Variants in SLC44A1 observed in about 807,000 individuals in gnomAD.
SLC44A1 encodes the protein choline transporter-like protein 1.
In SLC44A1, 26 loss-of-function variants were observed where a neutral mutation model predicts 79.3. The observed-to-expected ratio is 0.33, with a 90% CI of 0.24 to 0.46. The LOEUF is 0.46. Ranked by LOEUF, SLC44A1 falls within the 20% of genes least tolerant of loss-of-function variation. SLC44A1 has a pLI of 1.00. For missense variants in SLC44A1, 688 were observed against 798.1 expected, an observed-to-expected ratio of 0.86 and a Z score of 1.66; for synonymous variants, 263 against 286.2, an observed-to-expected ratio of 0.92 and a Z score of 0.82.
At chr9:105,387,370 A>C (rs543886164) in intron 15 of SLC44A1, among the ~76,000 whole-genome samples, 1 of 152,038 alleles carries the variant, frequency 6.6e-6, no homozygotes, top group East Asian at 1.9e-4. Flanking sequence ...TCACCTAGAC[A>C]TGATTGCTTG....
At chr9:105,415,844 G>A (rs1341877974) in intron 15 of SLC44A1, among the ~76,000 whole-genome samples, 2 of 149,096 alleles carry the variant, frequency 1.3e-5, no homozygotes, top group Non-Finnish European at 3.0e-5. Context: ...CCCGTTTTAC[G>A]TTCATTTGAA....
chr9:105,269,753 GT>G (rs1183190062), intron 1 of SLC44A1, among the ~76,000 whole-genome samples: 1 of 152,162 alleles, frequency 6.6e-6, no homozygotes, highest in Non-Finnish European at 1.5e-5. Context: ...TTGCTTGAAG[GT>G]TACTGACAGC....
intron 15 of SLC44A1, among the ~76,000 whole-genome samples, chr9:105,407,388 G>C (rs1022897348): frequency 2.6e-5 from 4 of 152,160 alleles, no homozygotes; most frequent in Admixed American, 6.5e-5. Flanking sequence ...TAACCAAATT[G>C]TTGACAAAGA....
At chr9:105,340,535 A>G (rs567470808) in intron 4 of SLC44A1, among the ~76,000 whole-genome samples, 132 of 152,340 alleles carry the variant, frequency 8.7e-4, no homozygotes, top group African/African-American at 3.0e-3. Flanking sequence ...TAGTAATTTT[A>G]TGTTGCCTTT....
At chr9:105,381,002 T>C (rs1828445997) in intron 13 of SLC44A1, among the ~76,000 whole-genome samples, 1 of 152,210 alleles carries the variant, frequency 6.6e-6, no homozygotes, top group African/African-American at 2.4e-5. Context: ...CATCACTAAT[T>C]GTTGAAGTTA....
At chr9:105,376,816 T>A (rs1828306442) in intron 13 of SLC44A1, among the ~76,000 whole-genome samples, 1 of 152,220 alleles carries the variant, frequency 6.6e-6, no homozygotes, top group Non-Finnish European at 1.5e-5. Flanking sequence ...TTGTTAAGTG[T>A]TACATTTGGT....
intron 1 of SLC44A1, among the ~76,000 whole-genome samples, chr9:105,279,175 G>A (rs192270221): frequency 2.1e-3 from 309 of 148,890 alleles, no homozygotes; most frequent in Non-Finnish European, 3.4e-3. Context: ...CTCCAGCCTG[G>A]GCGACAAAGC....
intron 1 of SLC44A1, among the ~76,000 whole-genome samples, chr9:105,282,839 C>G (rs1212801487): frequency 6.6e-6 from 1 of 152,148 alleles, no homozygotes; most frequent in African/African-American, 2.4e-5. Context: ...AGCCACTGCG[C>G]CTGGCACGTC....
At chr9:105,291,647 A>G (rs1830603880) in intron 1 of SLC44A1, among the ~76,000 whole-genome samples, 2 of 152,190 alleles carry the variant, frequency 1.3e-5, no homozygotes, top group Admixed American at 6.5e-5. Flanking sequence ...GCTTGATGAG[A>G]GTACATCTTA....
chr9:105,432,251 A>T (rs983983874), intron 15 of SLC44A1, among the ~76,000 whole-genome samples: 1 of 152,160 alleles, frequency 6.6e-6, no homozygotes, highest in Admixed American at 6.5e-5. Context: ...GGCCAAAAAC[A>T]GTTGAATGGT....
chr9:105,275,979 A>G (rs1307862400), intron 1 of SLC44A1, among the ~76,000 whole-genome samples: 4 of 151,804 alleles, frequency 2.6e-5, no homozygotes, highest in South Asian at 2.1e-4. Context: ...TTATTTTTAT[A>G]TTTTTAGTAG....
At chr9:105,339,668 A>T (rs555538146) in intron 4 of SLC44A1, among the ~76,000 whole-genome samples, 10 of 152,118 alleles carry the variant, frequency 6.6e-5, no homozygotes, top group Admixed American at 2.6e-4. Flanking sequence ...CGTCTCTATA[A>T]AAAGTAAAAT....
chr9:105,244,957 G>A (rs1829392290), intron 1 of SLC44A1, 53 bp downstream of exon 1: 1 of 1,020,986 alleles, frequency 9.8e-7, no homozygotes, highest in East Asian at 4.1e-5. Flanking sequence ...CGTGCGCCGC[G>A]TCGCGCGGCG....
chr9:105,344,030 A>G (rs2131373886), intron 4 of SLC44A1, among the ~76,000 whole-genome samples: 1 of 152,316 alleles, frequency 6.6e-6, no homozygotes, highest in Middle Eastern at 3.4e-3. Context: ...ATTATCTTCC[A>G]TTCTCCCAGC....
chr9:105,371,515 AGGCCAG>A (rs563562575), intron 12 of SLC44A1, among the ~76,000 whole-genome samples: 141 of 152,018 alleles, frequency 9.3e-4, no homozygotes, highest in Middle Eastern at 3.4e-3. Context: ...GTGGATCACA[AGGCCAG>A]GAGATCGAGA....
chr9:105,353,338 A>G (rs945987127), intron 5 of SLC44A1, among the ~76,000 whole-genome samples: 2 of 152,220 alleles, frequency 1.3e-5, no homozygotes, highest in Non-Finnish European at 2.9e-5. Flanking sequence ...GATATTACCC[A>G]GCATTTCCTC....
intron 15 of SLC44A1, chr9:105,386,069 C>G: frequency 1.0e-6 from 1 of 985,274 alleles, no homozygotes; most frequent in Non-Finnish European, 1.2e-6. Flanking sequence ...CATCAATACC[C>G]ACATTCCCAC....
chr9:105,412,828 T>A (rs1025781089), intron 15 of SLC44A1, among the ~76,000 whole-genome samples: 35 of 152,112 alleles, frequency 2.3e-4, no homozygotes, highest in African/African-American at 8.4e-4. Flanking sequence ...GATCTCGAAC[T>A]CCTGCCTCAG....
In SLC44A1 at chr9:105,394,553, G is replaced by A; in HGVS notation, c.*5497G>A. The A allele has an allele frequency of 2.0e-6, 2 of 984,672 alleles. No individual in the cohort carries two copies. Among genetic ancestry groups the A allele is most frequent in the Non-Finnish European group, 2.4e-6 (2 of 829,730 alleles). 61.0% of individuals were successfully genotyped at this position (984,672 alleles called of 1,614,324 possible). On this transcript the variant is annotated 3_prime_UTR_variant, in exon 16 of 16. Coordinates refer to ENST00000374720, the MANE Select transcript of SLC44A1 (RefSeq NM_080546.5). ...AAGAAGAAATAAATAGGGAATCCTT[G>A]TAATTAATCCATCTACCAAAACACT...
Sources: gnomAD v4.1 joint callset for allele counts (sites outside exome capture counted in the v4.1 genomes callset) on GRCh38, gnomAD v4.1.1 for gene constraint, MANE v1.5 for transcripts, NCBI Gene and HGNC (gene_info 2026-07-23, HGNC 2026-07-21) for gene names.